Variants in GRIN2A observed in about 807,000 individuals in gnomAD.
GRIN2A encodes glutamate receptor ionotropic, NMDA 2A.
A neutral mutation model predicts 113.4 loss-of-function variants in GRIN2A; 22 were observed. That is an observed-to-expected ratio of 0.19 (90% CI 0.14 to 0.28). The LOEUF (loss-of-function observed/expected upper bound fraction) is 0.28. Ranked by LOEUF, GRIN2A falls within the 10% of genes least tolerant of loss-of-function variation. The probability of loss-of-function intolerance (pLI) is 1.00; values close to 1 mark genes in which losing one functional copy is unlikely to be tolerated. For missense variants in GRIN2A, 1,502 were observed against 1,887.0 expected (o/e 0.80, Z 3.78); for synonymous variants, 827 against 738.4 (o/e 1.12, Z -1.94).
chr16:10,155,178 G>C (rs1596560183), intron 2 of GRIN2A, among the ~76,000 whole-genome samples: 1 of 152,180 alleles, frequency 6.6e-6, no homozygotes, highest in East Asian at 1.9e-4. Flanking sequence ...AAAATGAGGA[G>C]AGAACTGAGT....
At chr16:9,799,380 G>T (rs1349745797) in intron 10 of GRIN2A, among the ~76,000 whole-genome samples, 1 of 152,198 alleles carries the variant, frequency 6.6e-6, no homozygotes, top group African/African-American at 2.4e-5. Flanking sequence ...TCAGGAGAGA[G>T]GCCTGGAACA....
At chr16:10,113,088 G>C (rs1040463278) in intron 2 of GRIN2A, among the ~76,000 whole-genome samples, 1 of 144,138 alleles carries the variant, frequency 6.9e-6, no homozygotes, top group African/African-American at 2.5e-5. Flanking sequence ...CCCTGGGCCA[G>C]GCTGCCTGGG....
chr16:9,985,586 G>A (rs764005229), intron 2 of GRIN2A, among the ~76,000 whole-genome samples: 14 of 151,890 alleles, frequency 9.2e-5, no homozygotes, highest in African/African-American at 3.4e-4. Context: ...AATAAGCCAG[G>A]CACAGAAAGC....
intron 2 of GRIN2A, among the ~76,000 whole-genome samples, chr16:10,178,316 T>C (rs1180761732): frequency 6.6e-6 from 1 of 152,216 alleles, no homozygotes; most frequent in Non-Finnish European, 1.5e-5. Flanking sequence ...CTCCTGAAGA[T>C]GGATGACATC....
intron 2 of GRIN2A, among the ~76,000 whole-genome samples, chr16:10,045,045 T>C (rs981184840): frequency 4.6e-5 from 7 of 152,206 alleles, no homozygotes; most frequent in Non-Finnish European, 8.8e-5. Flanking sequence ...AAAAAAAACC[T>C]GTGCCTGTTC....
intron 3 of GRIN2A, among the ~76,000 whole-genome samples, chr16:9,936,939 G>T (rs1260710859): frequency 6.6e-6 from 1 of 152,130 alleles, no homozygotes; most frequent in African/African-American, 2.4e-5. Flanking sequence ...GGCAATAGAT[G>T]CTTCCATTTA....
At chr16:9,844,725 T>A (rs1260814548) in intron 5 of GRIN2A, among the ~76,000 whole-genome samples, 3 of 152,170 alleles carry the variant, frequency 2.0e-5, no homozygotes, top group Non-Finnish European at 2.9e-5. Flanking sequence ...CTCAGACAAA[T>A]CTCATCCAGC....
chr16:9,994,712 C>A (rs2046189422), intron 2 of GRIN2A, among the ~76,000 whole-genome samples: 1 of 152,182 alleles, frequency 6.6e-6, no homozygotes, highest in African/African-American at 2.4e-5. Context: ...AACTAAGTTT[C>A]AGGTCAGAGG....
At chr16:9,886,540 A>G (rs1345190350) in intron 4 of GRIN2A, among the ~76,000 whole-genome samples, 2 of 152,188 alleles carry the variant, frequency 1.3e-5, no homozygotes, top group African/African-American at 2.4e-5. Context: ...CTTAAGCATG[A>G]CAGAAGCCCA....
chr16:9,883,333 A>G (rs891325266), intron 4 of GRIN2A, among the ~76,000 whole-genome samples: 9 of 152,200 alleles, frequency 5.9e-5, no homozygotes, highest in Non-Finnish European at 2.9e-5. Flanking sequence ...AGCTGAAAAA[A>G]CACAGATGAA....
At chr16:10,162,069 G>C (rs1310323997) in intron 2 of GRIN2A, among the ~76,000 whole-genome samples, 1 of 152,186 alleles carries the variant, frequency 6.6e-6, no homozygotes, top group African/African-American at 2.4e-5. Context: ...GGGTGGGGAA[G>C]AGGGGGTGGT....
At chr16:10,072,609 C>A (rs1239025664) in intron 2 of GRIN2A, among the ~76,000 whole-genome samples, 1 of 152,120 alleles carries the variant, frequency 6.6e-6, no homozygotes, top group Non-Finnish European at 1.5e-5. Context: ...CTTGGGATCT[C>A]AGAATAAGTT....
chr16:9,806,797 A>C (rs750980044), intron 10 of GRIN2A, among the ~76,000 whole-genome samples: 1 of 151,836 alleles, frequency 6.6e-6, no homozygotes, highest in Non-Finnish European at 1.5e-5. Context: ...GAAAAAGAGG[A>C]TAGAAGAAGG....
At chr16:9,792,865 T>G (rs569290511) in intron 11 of GRIN2A, among the ~76,000 whole-genome samples, 9 of 152,336 alleles carry the variant, frequency 5.9e-5, no homozygotes, top group African/African-American at 9.6e-5. Flanking sequence ...CAGCTTGGTT[T>G]AGTAGGAAAT....
intron 2 of GRIN2A, among the ~76,000 whole-genome samples, chr16:10,049,362 CT>C (rs2047314999): frequency 6.6e-6 from 1 of 151,802 alleles, no homozygotes; most frequent in Admixed American, 6.6e-5. Context: ...GCATTACCAC[CT>C]TATTTATTGA....
intron 3 of GRIN2A, among the ~76,000 whole-genome samples, chr16:9,922,301 A>C (rs1596592761): frequency 1.3e-5 from 2 of 152,168 alleles, no homozygotes; most frequent in East Asian, 3.9e-4. Context: ...AACACCATCA[A>C]TCTGCAGATT....
intron 2 of GRIN2A, among the ~76,000 whole-genome samples, chr16:10,094,602 A>C (rs548195659): frequency 6.6e-6 from 1 of 152,034 alleles, no homozygotes; most frequent in African/African-American, 2.4e-5. Context: ...GGCACCCACC[A>C]CAATGCCTGG....
chr16:9,962,854 A>G (rs1207386697), intron 2 of GRIN2A, among the ~76,000 whole-genome samples: 1 of 152,154 alleles, frequency 6.6e-6, no homozygotes, highest in Non-Finnish European at 1.5e-5. Context: ...CACAATAGCA[A>G]AGACTTGAAA....
In GRIN2A at chr16:9,758,345, T is replaced by C; in HGVS notation, c.*4804A>G. The C allele has an allele frequency of 4.5e-6, 1 of 224,250 alleles. No individual in the cohort carries two copies. Among genetic ancestry groups the C allele is most frequent in the Non-Finnish European group, 8.9e-6 (1 of 112,326 alleles). The allele number at this position is 224,250 out of a possible 1,614,324, so 13.9% of individuals were successfully genotyped here. On this transcript the variant is annotated 3_prime_UTR_variant, in exon 13 of 13. Coordinates refer to ENST00000330684, the MANE Select transcript of GRIN2A (RefSeq NM_001134407.3). Reference sequence around the variant, plus strand: ...TTCAGAAGCAAATGCGAGCAGAATATATTCTATACCCCTCATCCCAGAGTT... The same window carrying C: ...TTCAGAAGCAAATGCGAGCAGAATACATTCTATACCCCTCATCCCAGAGTT...
Sources: allele counts gnomAD v4.1 joint callset (sites outside exome capture counted in the v4.1 genomes callset), GRCh38; gene constraint gnomAD v4.1.1; transcripts MANE v1.5; gene names NCBI Gene and HGNC (gene_info 2026-07-23, HGNC 2026-07-21).